GNAQ: variants seen among roughly 807,000 people sequenced by gnomAD.
The protein encoded by GNAQ is G protein subunit alpha q.
In GNAQ, 8 loss-of-function variants were observed where a neutral mutation model predicts 43.9. The ratio of observed to expected loss-of-function variants is 0.18; its 90% CI spans 0.11 to 0.33. The LOEUF (loss-of-function observed/expected upper bound fraction) is 0.33. Ranked by LOEUF, GNAQ falls within the 10% of genes least tolerant of loss-of-function variation. The pLI, the probability that GNAQ is intolerant of heterozygous loss-of-function variation, is 1.00. For synonymous variants in GNAQ, 155 were observed against 170.7 expected (o/e 0.91, Z 0.71); for missense variants, 158 against 450.8 (o/e 0.35, Z 5.88).
intron 5 of GNAQ, among the ~76,000 whole-genome samples, chr9:77,740,930 A>G (rs1825644526): frequency 6.6e-6 from 1 of 152,192 alleles, no homozygotes; most frequent in African/African-American, 2.4e-5. Flanking sequence ...TAACTAGTCA[A>G]CTCTGCCCAT....
chr9:77,868,624 C>T (rs757371434), intron 2 of GNAQ, among the ~76,000 whole-genome samples: 12 of 151,994 alleles, frequency 7.9e-5, no homozygotes, highest in African/African-American at 1.9e-4. Flanking sequence ...AGTGAAGTCC[C>T]GTCTCTACTA....
chr9:77,761,468 C>G (rs919080996), intron 5 of GNAQ, among the ~76,000 whole-genome samples: 1 of 139,830 alleles, frequency 7.2e-6, no homozygotes, highest in Non-Finnish European at 1.6e-5. Context: ...AGCCCCCCGC[C>G]TGGCCAGTCG....
intron 2 of GNAQ, among the ~76,000 whole-genome samples, chr9:77,845,216 T>G (rs890596425): frequency 6.6e-6 from 1 of 152,226 alleles, no homozygotes; most frequent in African/African-American, 2.4e-5. Context: ...AAAATGGTAT[T>G]ACATTTCTCT....
At chr9:77,749,193 C>G (rs1202912268) in intron 5 of GNAQ, among the ~76,000 whole-genome samples, 3 of 152,184 alleles carry the variant, frequency 2.0e-5, no homozygotes, top group Admixed American at 2.0e-4. Context: ...CCCCTGGCTG[C>G]CATGGACCCA....
chr9:77,882,433 A>G (rs755718517), intron 2 of GNAQ, among the ~76,000 whole-genome samples: 5 of 152,202 alleles, frequency 3.3e-5, no homozygotes, highest in Admixed American at 6.6e-5. Context: ...TAAGAATTTA[A>G]CTAAAGGTTG....
chr9:77,949,021 G>C (rs929824077), intron 1 of GNAQ, among the ~76,000 whole-genome samples: 1 of 152,134 alleles, frequency 6.6e-6, no homozygotes, highest in Non-Finnish European at 1.5e-5. Flanking sequence ...CACATGCCTC[G>C]AGGCCTGTGT....
intron 1 of GNAQ, among the ~76,000 whole-genome samples, chr9:77,944,374 C>A (rs556870551): frequency 4.6e-5 from 7 of 151,660 alleles, no homozygotes; most frequent in African/African-American, 7.3e-5. Flanking sequence ...GCTGTGTATA[C>A]AAGATGCAGG....
At chr9:77,915,868 A>G (rs1486744735) in intron 2 of GNAQ, among the ~76,000 whole-genome samples, 4 of 152,094 alleles carry the variant, frequency 2.6e-5, no homozygotes, top group Non-Finnish European at 5.9e-5. Context: ...CACGCTGTGT[A>G]TTTTTGCAGT....
At chr9:77,825,670 A>AGTCTAGAGT (rs1292248587) in intron 2 of GNAQ, among the ~76,000 whole-genome samples, 15 of 152,210 alleles carry the variant, frequency 9.9e-5, no homozygotes, top group Admixed American at 2.0e-4. Flanking sequence ...AGTCTGTTTA[A>AGTCTAGAGT]CTGCAAAGGC....
intron 5 of GNAQ, among the ~76,000 whole-genome samples, chr9:77,747,035 T>C (rs1262859450): frequency 6.6e-6 from 1 of 152,138 alleles, no homozygotes; most frequent in Non-Finnish European, 1.5e-5. Context: ...GGTTCAGGTG[T>C]AAAATACAGT....
intron 5 of GNAQ, among the ~76,000 whole-genome samples, chr9:77,751,812 AAAC>A (rs1339381248): frequency 2.0e-5 from 3 of 152,000 alleles, no homozygotes; most frequent in African/African-American, 7.3e-5. Context: ...ACAAACAAAC[AAAC>A]AAAAAAAACA....
At chr9:77,731,540 C>T (rs1461504494) in intron 5 of GNAQ, among the ~76,000 whole-genome samples, 1 of 152,208 alleles carries the variant, frequency 6.6e-6, no homozygotes, top group Non-Finnish European at 1.5e-5. Flanking sequence ...AGATGACTGG[C>T]AGATGAGATC....
chr9:77,943,081 A>G (rs779360495), intron 1 of GNAQ, among the ~76,000 whole-genome samples: 1 of 152,214 alleles, frequency 6.6e-6, no homozygotes, highest in Non-Finnish European at 1.5e-5. Context: ...TAGAAGTTCC[A>G]CTAGTCCCAG....
intron 1 of GNAQ, among the ~76,000 whole-genome samples, chr9:77,957,369 AAAAC>A (rs1329430310): frequency 2.0e-5 from 3 of 150,598 alleles, no homozygotes; most frequent in East Asian, 1.9e-4. Context: ...AAAAAACAAA[AAAAC>A]AAAAACAAAA....
chr9:77,995,772 T>C lies in GNAQ; in HGVS notation c.136+35328A>G, dbSNP rs1487943340. On this transcript the variant is annotated intron_variant, in intron 1 of 6. Transcript: ENST00000286548. ...CTGGGATTACAAGCATGACCACACC[T>C]GACCCAACATAACATTCTTAAATAA... Among the ~76,000 whole-genome samples the C allele has an allele frequency of 2.0e-5, 3 of 152,162 alleles. No homozygotes were observed. In the East Asian group the frequency reaches 5.8e-4, roughly 29 times the overall value.
intron 5 of GNAQ, among the ~76,000 whole-genome samples, chr9:77,768,319 C>A (rs1479263726): frequency 6.6e-6 from 1 of 152,192 alleles, no homozygotes; most frequent in Non-Finnish European, 1.5e-5. Flanking sequence ...ATTCTCTCAA[C>A]TGTAAAAGAT....
intron 2 of GNAQ, among the ~76,000 whole-genome samples, chr9:77,846,577 G>A (rs1266582775): frequency 6.6e-6 from 1 of 152,126 alleles, no homozygotes; most frequent in African/African-American, 2.4e-5. Flanking sequence ...CAGTTAGATG[G>A]GTAAGGTAGG....
chr9:77,900,500 G>A (rs1354943226), intron 2 of GNAQ, among the ~76,000 whole-genome samples: 1 of 152,074 alleles, frequency 6.6e-6, no homozygotes, highest in Non-Finnish European at 1.5e-5. Flanking sequence ...TAGATACTGG[G>A]TGCACAGACA....
chr9:77,988,639 G>C (rs551572341), intron 1 of GNAQ, among the ~76,000 whole-genome samples: 1 of 152,300 alleles, frequency 6.6e-6, no homozygotes, highest in East Asian at 1.9e-4. Context: ...CATACTACCT[G>C]TGAAGCACAG....
Sources: allele counts gnomAD v4.1 joint callset (sites outside exome capture counted in the v4.1 genomes callset), GRCh38; gene constraint gnomAD v4.1.1; transcripts MANE v1.5; gene names NCBI Gene and HGNC (gene_info 2026-07-23, HGNC 2026-07-21).